Variants in WWOX observed in about 807,000 individuals in gnomAD.
WWOX encodes WW domain-containing oxidoreductase.
WWOX carries 69 observed loss-of-function variants against 46.2 expected under a neutral mutation model. The ratio of observed to expected loss-of-function variants is 1.49; its 90% CI spans 1.23 to 1.82. The LOEUF is 1.82. WWOX is among the 40% of genes most tolerant of loss of function. The pLI is 0.00. For missense variants in WWOX, 919 were observed against 542.6 expected (o/e 1.69, Z -6.89); for synonymous variants, 359 against 202.6 (o/e 1.77, Z -6.56).
intron 8 of WWOX, among the ~76,000 whole-genome samples, chr16:78,538,589 A>G (rs1162835985): frequency 1.3e-5 from 2 of 152,214 alleles, no homozygotes; most frequent in East Asian, 3.8e-4. Flanking sequence ...GTTCTCTGAG[A>G]GAATTGCTCA....
chr16:78,814,790 A>G (rs1032090096), intron 8 of WWOX, among the ~76,000 whole-genome samples: 3 of 152,202 alleles, frequency 2.0e-5, no homozygotes, highest in African/African-American at 7.2e-5. Flanking sequence ...TTCTGGTTGA[A>G]GTTGGGGAAC....
chr16:78,498,355 A>T (rs989136314), intron 8 of WWOX, among the ~76,000 whole-genome samples: 28 of 152,148 alleles, frequency 1.8e-4, no homozygotes, highest in African/African-American at 6.3e-4. Context: ...CAGGCCAGTG[A>T]TTTCACAGTT....
At position 78,945,609 on chromosome 16, in the gene WWOX, C is replaced by T. The variant is rs552255922; in HGVS notation, c.1057-265999C>T. ...CTCTTTTGGTTTGTTGGCTTATGTT[C>T]GCTGCTTGATCTGACTACTGGTTTT... On this transcript the variant is annotated intron_variant, in intron 8 of 8. Transcript: ENST00000566780. Among the ~76,000 whole-genome samples the T allele has an allele frequency of 1.6e-4, 24 of 152,056 alleles. 1 individual carries two copies. Among genetic ancestry groups the T allele is most frequent in the Middle Eastern group, 3.4e-3 (1 of 294 alleles).
At position 79,091,779 on chromosome 16, in the gene WWOX, G is replaced by GTTT. The variant is rs11329411; in HGVS notation, c.1057-119811_1057-119809dup. Among the ~76,000 whole-genome samples the GTTT allele has an allele frequency of 1.4e-3, 151 of 109,134 alleles. 4 individuals are homozygous for GTTT. The highest frequency in any genetic ancestry group is 3.9e-3 in the East Asian group (14 of 3,546). 71.6% of individuals were successfully genotyped at this position (109,134 alleles called of 152,430 possible). On this transcript the variant is annotated intron_variant, in intron 8 of 8. Transcript: ENST00000566780. ...CGCATCTTTTTCTTTTCTTTTCTTT[G>GTTT]TTTTTTTTTTTTTTTTTTTTGAGAC...
intron 8 of WWOX, among the ~76,000 whole-genome samples, chr16:78,983,708 C>T (rs1440965221): frequency 1.3e-5 from 2 of 152,120 alleles, no homozygotes; most frequent in Non-Finnish European, 2.9e-5. Flanking sequence ...GCGTGGAGCA[C>T]ATCTCCTTCT....
chr16:78,835,289 T>C (rs2051947935), intron 8 of WWOX, among the ~76,000 whole-genome samples: 1 of 152,230 alleles, frequency 6.6e-6, no homozygotes, highest in Admixed American at 6.5e-5. Flanking sequence ...AGTCTGTAGC[T>C]TTTATCCCTT....
At chr16:78,688,841 G>A (rs777864482) in intron 8 of WWOX, among the ~76,000 whole-genome samples, 28 of 152,190 alleles carry the variant, frequency 1.8e-4, no homozygotes, top group Admixed American at 7.9e-4. Context: ...ATTGAATCAT[G>A]TGTGCAGTTA....
intron 5 of WWOX, among the ~76,000 whole-genome samples, chr16:78,334,407 C>T (rs1343141577): frequency 6.6e-6 from 1 of 152,100 alleles, no homozygotes; most frequent in African/African-American, 2.4e-5. Context: ...CAGCGAACAA[C>T]AAATAGTTCA....
chr16:78,999,990 G>A (rs2047062768), intron 8 of WWOX, among the ~76,000 whole-genome samples: 1 of 151,998 alleles, frequency 6.6e-6, no homozygotes. Context: ...AAAAATAATG[G>A]CATCTATGAT....
intron 8 of WWOX, among the ~76,000 whole-genome samples, chr16:78,790,977 C>G (rs1243624431): frequency 7.5e-6 from 1 of 133,530 alleles, no homozygotes; most frequent in Non-Finnish European, 1.5e-5. Context: ...CAAGATTACA[C>G]CATTGCACTC....
At chr16:78,926,141 A>C (rs1296493602) in intron 8 of WWOX, among the ~76,000 whole-genome samples, 1 of 152,182 alleles carries the variant, frequency 6.6e-6, no homozygotes, top group Non-Finnish European at 1.5e-5. Flanking sequence ...GATGGACCCA[A>C]AATGGGTGGA....
rs545341718 is a variant in WWOX, at chr16:79,047,170, T to C, written c.1057-164438T>C. Among the ~76,000 whole-genome samples, 10 of 152,284 alleles carry C rather than the reference T, an allele frequency of 6.6e-5. No homozygotes were observed. The East Asian group carries it at 9.7e-4, about 15-fold the overall frequency. On this transcript the variant is annotated intron_variant, in intron 8 of 8. Coordinates refer to ENST00000566780, the MANE Select transcript of WWOX (RefSeq NM_016373.4). ...CTTTCATTCAGTCAATAAATATTTATTGAGTAGTAAGCACATGCAAGGCAT... is the reference window on the plus strand; with the variant it reads ...CTTTCATTCAGTCAATAAATATTTACTGAGTAGTAAGCACATGCAAGGCAT...
chr16:78,528,075 T>G (rs1282499666), intron 8 of WWOX, among the ~76,000 whole-genome samples: 1 of 138,422 alleles, frequency 7.2e-6, no homozygotes, highest in Non-Finnish European at 1.5e-5. Flanking sequence ...CTCGGCTCAC[T>G]GCAAGTTCTG....
chr16:78,788,331 T>G (rs747895078), intron 8 of WWOX, among the ~76,000 whole-genome samples: 22 of 152,334 alleles, frequency 1.4e-4, no homozygotes, highest in Non-Finnish European at 1.9e-4. Flanking sequence ...TTGCCTGTGT[T>G]AGGCATCAGG....
chr16:78,232,796 A>T (rs1170154963), intron 5 of WWOX, among the ~76,000 whole-genome samples: 1 of 152,176 alleles, frequency 6.6e-6, no homozygotes, highest in East Asian at 1.9e-4. Context: ...ATTTATCAAG[A>T]AATTAAAAAG....
intron 8 of WWOX, among the ~76,000 whole-genome samples, chr16:79,210,307 G>A (rs2051681912): frequency 6.6e-6 from 1 of 152,066 alleles, no homozygotes; most frequent in Non-Finnish European, 1.5e-5. Flanking sequence ...ACCTTCCTTG[G>A]GACCCTATTT....
intron 8 of WWOX, among the ~76,000 whole-genome samples, chr16:78,526,881 G>T (rs2738746): frequency 0.78 from 118,281 of 152,152 alleles, 48,420 homozygotes; most frequent in East Asian, 0.97. Context: ...GTGTGCCAGC[G>T]AGGGCAGGTG....
chr16:78,627,767 C>G (rs2550608), intron 8 of WWOX, among the ~76,000 whole-genome samples: 118,293 of 152,192 alleles, frequency 0.78, 46,037 homozygotes, highest in Middle Eastern at 0.82. Flanking sequence ...GAAAAGTTGA[C>G]TAGACAAAAG....
chr16:78,872,886 C>T (rs1262210094), intron 8 of WWOX: 2 of 152,268 alleles, frequency 1.3e-5, no homozygotes, highest in African/African-American at 2.4e-5. Context: ...CAGGCTTGGC[C>T]TCCAGGGCTC....
Sources: allele counts gnomAD v4.1 joint callset (sites outside exome capture counted in the v4.1 genomes callset), GRCh38; gene constraint gnomAD v4.1.1; transcripts MANE v1.5; gene names NCBI Gene and HGNC (gene_info 2026-07-23, HGNC 2026-07-21).